ADAMTS17: variants seen among roughly 807,000 people sequenced by gnomAD.
ADAMTS17 encodes ADAM metallopeptidase with thrombospondin type 1 motif 17, also known as A disintegrin and metalloproteinase with thrombospondin motifs 17.
ADAMTS17 carries 113 observed loss-of-function variants against 141.5 expected under a neutral mutation model. The ratio of observed to expected loss-of-function variants is 0.80; its 90% CI spans 0.69 to 0.93. The LOEUF (loss-of-function observed/expected upper bound fraction) is 0.93, where lower values mean the gene tolerates loss of function less well. Among genes scored for constraint, ADAMTS17 ranks in the 40% least tolerant of loss-of-function variants. The pLI, the probability that ADAMTS17 is intolerant of heterozygous loss-of-function variation, is 0.00. For synonymous variants in ADAMTS17, 768 were observed against 630.6 expected (o/e 1.22, Z -3.27); for missense variants, 1,659 against 1,517.9 (o/e 1.09, Z -1.54).
At chr15:100,061,604 C>A (rs1197356971) in intron 15 of ADAMTS17, among the ~76,000 whole-genome samples, 1 of 152,192 alleles carries the variant, frequency 6.6e-6, no homozygotes, top group African/African-American at 2.4e-5. Context: ...CCAAAGGATT[C>A]TAACATCCTC....
chr15:100,260,289 G>C (rs546749770), intron 6 of ADAMTS17, among the ~76,000 whole-genome samples: 4 of 152,244 alleles, frequency 2.6e-5, no homozygotes, highest in Non-Finnish European at 4.4e-5. Context: ...AGCCTTTCTT[G>C]ACTCAAAACC....
chr15:100,009,684 G>A (rs547080121), intron 18 of ADAMTS17, among the ~76,000 whole-genome samples: 29 of 152,266 alleles, frequency 1.9e-4, no homozygotes, highest in African/African-American at 6.3e-4. Context: ...TCCAGACATC[G>A]GTCTTGTTAA....
chr15:99,978,293 G>A (rs1463192882), intron 20 of ADAMTS17, among the ~76,000 whole-genome samples: 1 of 152,222 alleles, frequency 6.6e-6, no homozygotes, highest in African/African-American at 2.4e-5. Context: ...AGCAGGTTCA[G>A]GTTTTGTGTG....
At chr15:100,122,064 C>A (rs1339143557) in intron 12 of ADAMTS17, among the ~76,000 whole-genome samples, 2 of 152,130 alleles carry the variant, frequency 1.3e-5, no homozygotes, top group African/African-American at 2.4e-5. Flanking sequence ...CATCCCTGGA[C>A]AAAACTGTGG....
chr15:99,993,731 T>G lies in ADAMTS17; in HGVS notation c.2797-531A>C, dbSNP rs1223052836. 3.3e-5 allele frequency among the ~76,000 whole-genome samples: 5 copies of G among 152,180 alleles called. No individual in the cohort carries two copies. Among genetic ancestry groups the G allele is most frequent in the Non-Finnish European group, 7.3e-5 (5 of 68,028 alleles). On this transcript the variant is annotated intron_variant, in intron 19 of 21. Coordinates refer to ENST00000268070, the MANE Select transcript of ADAMTS17 (RefSeq NM_139057.4). The surrounding 1 kb of genome is among the most constrained non-coding windows in gnomAD (Gnocchi z 4.3). ...GGCAGAAGGAAGGAAAAGCCACAGATGACTTTCTCGTGAGGCAGGTGGAAA... is the reference window on the plus strand; with the variant it reads ...GGCAGAAGGAAGGAAAAGCCACAGAGGACTTTCTCGTGAGGCAGGTGGAAA...
At chr15:100,267,552 G>C (rs2043759676) in intron 4 of ADAMTS17, among the ~76,000 whole-genome samples, 2 of 152,038 alleles carry the variant, frequency 1.3e-5, no homozygotes, top group Non-Finnish European at 2.9e-5. Flanking sequence ...TTTAGATTCA[G>C]GGGTATGTGT....
intron 2 of ADAMTS17, among the ~76,000 whole-genome samples, chr15:100,334,106 T>C (rs1645021846): frequency 1.3e-5 from 2 of 152,194 alleles, no homozygotes; most frequent in African/African-American, 4.8e-5. Flanking sequence ...TTTGAAGGGT[T>C]CTATTAAGAC....
At chr15:100,088,957 AG>A (rs2035278303) in intron 15 of ADAMTS17, among the ~76,000 whole-genome samples, 1 of 151,926 alleles carries the variant, frequency 6.6e-6, no homozygotes, top group African/African-American at 2.4e-5. Flanking sequence ...AAACACCAAA[AG>A]CAATGGCAAC....
At chr15:100,272,312 A>G (rs557994624) in intron 4 of ADAMTS17, among the ~76,000 whole-genome samples, 13 of 152,306 alleles carry the variant, frequency 8.5e-5, no homozygotes, top group East Asian at 3.9e-4. Context: ...TATCTTAACA[A>G]TAAGTCTTCC....
chr15:100,049,125 G>T, intron 17 of ADAMTS17, 133 bp from the exon 18 acceptor site: 1 of 1,356,382 alleles, frequency 7.4e-7, no homozygotes, highest in South Asian at 1.2e-5. Context: ...TGCTGTAAAT[G>T]TCATGTGGGT....
Position 100,091,010 on chromosome 15 carries a change from C to CAACAAAAAAAAA in ADAMTS17, c.2137+5345_2137+5346insTTTTTTTTTGTT, listed in dbSNP as rs1555446585. Among the ~76,000 whole-genome samples, 13 of 54,608 alleles carry CAACAAAAAAAAA rather than the reference C, an allele frequency of 2.4e-4. No homozygotes were observed. In the East Asian group the frequency reaches 4.5e-3, roughly 19 times the overall value. 35.8% of individuals were successfully genotyped at this position (54,608 alleles called of 152,430 possible). On this transcript the variant is annotated intron_variant, in intron 15 of 21. Transcript: ENST00000268070. Reference sequence around the variant, plus strand: ...GAGGCAGAGTGAGACTCCGTCTCAACAAAAAAAAAAAAAAAAAAGGGTAAC... The same window carrying CAACAAAAAAAAA: ...GAGGCAGAGTGAGACTCCGTCTCAACAACAAAAAAAAAAAAAAAAAAAAAAAAAAAGGGTAAC...
chr15:100,157,065 G>C (rs1392222279), intron 8 of ADAMTS17, among the ~76,000 whole-genome samples: 1 of 152,216 alleles, frequency 6.6e-6, no homozygotes, highest in African/African-American at 2.4e-5. Flanking sequence ...AATGGTGGCA[G>C]GGGAGAGAAG....
chr15:100,225,424 CA>C (rs151295373), intron 7 of ADAMTS17, among the ~76,000 whole-genome samples: 154 of 152,364 alleles, frequency 1.0e-3, no homozygotes, highest in African/African-American at 3.6e-3. Flanking sequence ...AGCAGCCATT[CA>C]TGCAGTCCTT....
At chr15:100,120,832 C>A (rs1456234452) in intron 12 of ADAMTS17, among the ~76,000 whole-genome samples, 1 of 152,184 alleles carries the variant, frequency 6.6e-6, no homozygotes, top group Non-Finnish European at 1.5e-5. Flanking sequence ...TACAAAGAAA[C>A]AGAAAGTATG....
Position 100,341,416 on chromosome 15 carries a change from G to C in ADAMTS17, c.80-7C>G. The C allele has an allele frequency of 9.8e-7, 1 of 1,015,914 alleles. No homozygotes were observed. The highest frequency in any genetic ancestry group is 1.2e-6 in the Non-Finnish European group (1 of 851,596). 62.9% of individuals were successfully genotyped at this position (1,015,914 alleles called of 1,614,324 possible). On this transcript the variant is annotated splice_polypyrimidine_tract_variant and splice_region_variant and intron_variant, in intron 1 of 21. Transcript: ENST00000268070. The stretch of plus-strand genomic sequence containing the variant: ...GCCGCCGCGTCGCCGACAGCTGCGG[G>C]GAGAGAGGAGACGCGTCAGCGCGGC...
At chr15:99,987,530 T>C (rs1287871787) in intron 20 of ADAMTS17, among the ~76,000 whole-genome samples, 1 of 152,080 alleles carries the variant, frequency 6.6e-6, no homozygotes, top group Non-Finnish European at 1.5e-5. Context: ...GGGTGACTGG[T>C]TTAAAAAGGC....
At chr15:100,246,489 A>G (rs2042990123) in intron 7 of ADAMTS17, among the ~76,000 whole-genome samples, 1 of 152,230 alleles carries the variant, frequency 6.6e-6, no homozygotes, top group South Asian at 2.1e-4. Flanking sequence ...TCCGACAAAC[A>G]GATGAATTTG....
chr15:100,059,165 C>A (rs535565336), intron 15 of ADAMTS17, among the ~76,000 whole-genome samples: 1 of 152,182 alleles, frequency 6.6e-6, no homozygotes, highest in Non-Finnish European at 1.5e-5. Flanking sequence ...GGTCTGGAGC[C>A]GATGAGTTGG....
intron 3 of ADAMTS17, among the ~76,000 whole-genome samples, chr15:100,294,820 G>A (rs372917813): frequency 3.9e-5 from 6 of 152,182 alleles, no homozygotes; most frequent in African/African-American, 4.8e-5. Flanking sequence ...GTGGCCGTCC[G>A]TGAAAACCAC....
Sources: allele counts gnomAD v4.1 joint callset (sites outside exome capture counted in the v4.1 genomes callset), GRCh38; gene constraint gnomAD v4.1.1; non-coding constraint Gnocchi (gnomAD v3.1); transcripts MANE v1.5; gene names NCBI Gene and HGNC (gene_info 2026-07-23, HGNC 2026-07-21).